Variants in SLC7A10 observed in about 807,000 individuals in gnomAD.
SLC7A10 encodes the protein solute carrier family 7 member 10.
In SLC7A10, 30 loss-of-function variants were observed where a neutral mutation model predicts 52.7. The ratio of observed to expected loss-of-function variants is 0.57; its 90% CI spans 0.43 to 0.77. The LOEUF is 0.77. Ranked by LOEUF, SLC7A10 falls within the 30% of genes least tolerant of loss-of-function variation. The pLI, the probability that SLC7A10 is intolerant of heterozygous loss-of-function variation, is 0.00. For missense variants in SLC7A10, 581 were observed against 698.5 expected (o/e 0.83, Z 1.90); for synonymous variants, 318 against 314.9 (o/e 1.01, Z -0.10).
chr19:33,208,815 A>T lies in SLC7A10; in HGVS notation c.*76T>A. ...TTTTTTTTCCAGAAAAAAACAAAAC[A>T]AAACTTTTTTGCCAAAACACCTCCT... On this transcript the variant is annotated 3_prime_UTR_variant, in exon 11 of 11. Transcript: ENST00000253188. The surrounding 1 kb of genome is among the most constrained non-coding windows in gnomAD (Gnocchi z 4.7). 1 of 1,602,316 alleles carries T rather than the reference A, an allele frequency of 6.2e-7. No homozygotes were observed. The highest frequency in any genetic ancestry group is 8.5e-7 in the Non-Finnish European group (1 of 1,172,664).
chr19:33,213,631 A>T (rs1974608440), intron 2 of SLC7A10, among the ~76,000 whole-genome samples: 1 of 152,172 alleles, frequency 6.6e-6, no homozygotes, highest in Non-Finnish European at 1.5e-5. Context: ...CATTGGACGG[A>T]GGCTGTCTCC....
chr19:33,222,780 A>G (rs1163776577), intron 1 of SLC7A10, among the ~76,000 whole-genome samples: 1 of 152,130 alleles, frequency 6.6e-6, no homozygotes, highest in Non-Finnish European at 1.5e-5. Flanking sequence ...ATTCCCTTCC[A>G]TCTGTGCTTG....
intron 1 of SLC7A10, 125 bp from the exon 2 acceptor site, chr19:33,216,098 C>T: frequency 1.2e-6 from 1 of 853,340 alleles, no homozygotes; most frequent in South Asian, 1.8e-5. Flanking sequence ...GAGGAGGAGG[C>T]AGGAGGTGGG....
chr19:33,225,390 G>A (rs1357188403), intron 1 of SLC7A10, among the ~76,000 whole-genome samples, 163 bp downstream of exon 1: 1 of 152,214 alleles, frequency 6.6e-6, no homozygotes, highest in Non-Finnish European at 1.5e-5. Context: ...CCCTGGGCCA[G>A]CAGCCCCTGA....
intron 2 of SLC7A10, among the ~76,000 whole-genome samples, chr19:33,213,363 A>C (rs1390348599): frequency 6.6e-6 from 1 of 150,396 alleles, no homozygotes; most frequent in Non-Finnish European, 1.5e-5. Context: ...ATCTCGGCTC[A>C]CTGCAACCTC....
intron 5 of SLC7A10, chr19:33,212,040 A>G (rs1304265536): frequency 1.3e-5 from 8 of 594,150 alleles, no homozygotes; most frequent in Non-Finnish European, 2.1e-5. Context: ...ATCTATTTAC[A>G]GCAGGATGAT....
At chr19:33,224,543 G>T (rs1974881716) in intron 1 of SLC7A10, among the ~76,000 whole-genome samples, 1 of 152,210 alleles carries the variant, frequency 6.6e-6, no homozygotes, top group Non-Finnish European at 1.5e-5. Flanking sequence ...AGGGGTCTGA[G>T]GGTGGGAAGG....
In SLC7A10 at chr19:33,208,981, GAC is replaced by G. The variant is rs1974473147; in HGVS notation, c.1480_1481del (p.Val494LeufsTer34). 6.2e-7 allele frequency: 1 copy of G among 1,613,726 alleles called. No homozygotes were observed. The highest frequency in any genetic ancestry group is 1.1e-5 in the South Asian group (1 of 91,064). ...CCTCTTCGGGGGCGTCCTGGGGGTA[GAC>G]CACGAAACACAGCTCCTGGCCCCAG... ...THWGQELCFV[V>X]YPQDAPEEEE... is the part of the protein sequence containing the mutation. On this transcript the variant is annotated frameshift_variant, in exon 11 of 11. Transcript: ENST00000253188. LOFTEE classifies it high-confidence loss of function. This position sits in a 1 kb window ranked among gnomAD's most constrained non-coding sequence, Gnocchi z 4.7.
chr19:33,214,901 C>T (rs930417669), intron 2 of SLC7A10, among the ~76,000 whole-genome samples: 1 of 152,190 alleles, frequency 6.6e-6, no homozygotes, highest in Admixed American at 6.5e-5. Context: ...TGCCTCCCCA[C>T]CCCCAGGCTC....
chr19:33,220,466 G>A (rs1321318928), intron 1 of SLC7A10: 3 of 152,200 alleles, frequency 2.0e-5, no homozygotes, highest in Non-Finnish European at 4.4e-5. Context: ...TCGGCCTCCT[G>A]GCCTCCCCTC....
chr19:33,211,645 G>A lies in SLC7A10; in HGVS notation c.789-108C>T, dbSNP rs562730663. On this transcript the variant is annotated intron_variant, in intron 5 of 10. Transcript: ENST00000253188. ...GTCTCCATCTCTTGTGTCTGCTGGGGATGTTGGGGCAGGAAAGGGGGCAGC... is the reference window on the plus strand; with the variant it reads ...GTCTCCATCTCTTGTGTCTGCTGGGAATGTTGGGGCAGGAAAGGGGGCAGC... 8 of 1,589,130 alleles carry A rather than the reference G, an allele frequency of 5.0e-6. No homozygotes were observed. The East Asian group carries it at 1.8e-4, about 36-fold the overall frequency.
intron 1 of SLC7A10, among the ~76,000 whole-genome samples, chr19:33,223,354 G>C (rs550007213): frequency 6.6e-6 from 1 of 151,826 alleles, no homozygotes; most frequent in African/African-American, 2.4e-5. Flanking sequence ...GAAAGGAAAG[G>C]AAGCAGGACG....
chr19:33,223,309 G>GAAAAAAAAAAAAAAA (rs59600246), intron 1 of SLC7A10, among the ~76,000 whole-genome samples: 1 of 117,338 alleles, frequency 8.5e-6, no homozygotes, highest in Admixed American at 8.9e-5. Context: ...CTCTGTCTCA[G>GAAAAAAAAAAAAAAA]AAAAAAAAAA....
rs573666139 is a variant in SLC7A10, at chr19:33,219,646, C to T, written c.152-3673G>A. 1.3e-4 allele frequency among the ~76,000 whole-genome samples: 20 copies of T among 152,342 alleles called. No homozygotes were observed. In the South Asian group the frequency reaches 1.9e-3, roughly 14 times the overall value. On this transcript the variant is annotated intron_variant, in intron 1 of 10. Transcript: ENST00000253188. ...GGGGGCAGCAGAGGGCTAGTCCAAC[C>T]GTGACTTCAGCAGAGGGGATGCACC...
intron 1 of SLC7A10, among the ~76,000 whole-genome samples, chr19:33,216,478 C>T (rs1974686895): frequency 6.6e-6 from 1 of 152,240 alleles, no homozygotes. Context: ...AACCACTCTC[C>T]TGCCACTTTC....
Position 33,208,723 on chromosome 19 carries a change from A to G in SLC7A10, c.*168T>C. ...AGGAAGAGCTAGCAGGGCAGTGCTA[A>G]GACAGGAAACCCAGTCCACATTTTA... is the stretch of plus-strand genomic sequence containing the variant. On this transcript the variant is annotated 3_prime_UTR_variant, in exon 11 of 11. Coordinates refer to ENST00000253188, the MANE Select transcript of SLC7A10 (RefSeq NM_019849.3). This position sits in a 1 kb window ranked among gnomAD's most constrained non-coding sequence, Gnocchi z 4.7. 1 of 851,260 alleles carries G rather than the reference A, an allele frequency of 1.2e-6. No homozygotes were observed. The highest frequency in any genetic ancestry group is 1.8e-6 in the Non-Finnish European group (1 of 541,816). 52.7% of individuals were successfully genotyped at this position (851,260 alleles called of 1,614,324 possible).
rs542212754 is a variant in SLC7A10, at chr19:33,209,395, C to T, written c.1354G>A (p.Gly452Ser). 16 of 1,613,922 alleles carry T rather than the reference C, an allele frequency of 9.9e-6. No homozygotes were observed. Among genetic ancestry groups the T allele is most frequent in the East Asian group, 2.2e-5 (1 of 44,884 alleles). ...FISEPMVCGV[G>S]VIIILTGVPI... ...ACCCCCGTAAGGATGATGATGACGC[C>T]GACCCCACAGACCATAGGCTCTGAG... The change falls in exon 10 of 11, where the codon GGC becomes AGC. Residue 452 changes from glycine (G) to serine (S), a missense_variant. Transcript: ENST00000253188.
intron 5 of SLC7A10, 124 bp from the exon 6 acceptor site, chr19:33,211,661 A>T: frequency 7.1e-6 from 11 of 1,544,582 alleles, no homozygotes; most frequent in East Asian, 2.4e-5. Context: ...GGGGCAGGAA[A>T]GGGGGCAGCA....
At chr19:33,218,300 C>T (rs1363243487) in intron 1 of SLC7A10, among the ~76,000 whole-genome samples, 4 of 152,158 alleles carry the variant, frequency 2.6e-5, no homozygotes, top group African/African-American at 9.7e-5. Flanking sequence ...CTGGGCTTGC[C>T]AGGGGTGGAG....
Sources: gnomAD v4.1 joint callset for allele counts (sites outside exome capture counted in the v4.1 genomes callset) on GRCh38, gnomAD v4.1.1 for gene constraint, Gnocchi (gnomAD v3.1) non-coding constraint, MANE v1.5 for transcripts, NCBI Gene and HGNC (gene_info 2026-07-23, HGNC 2026-07-21) for gene names.